Variants in MTG1 observed in about 807,000 individuals in gnomAD.
MTG1 encodes the protein mitochondrial ribosome-associated GTPase 1.
Under a neutral mutation model 39.5 loss-of-function variants are expected in MTG1, and 30 were observed. The observed-to-expected ratio is 0.76, with a 90% CI of 0.57 to 1.03. MTG1 has a LOEUF of 1.03. Among genes scored for constraint, MTG1 ranks in the 50% least tolerant of loss-of-function variants. The probability of loss-of-function intolerance (pLI) is 0.00; values close to 1 mark genes in which losing one functional copy is unlikely to be tolerated. For synonymous variants in MTG1, 217 were observed against 179.0 expected (o/e 1.21, Z -1.69); for missense variants, 513 against 447.4 (o/e 1.15, Z -1.32).
intron 6 of MTG1, 44 bp from the exon 7 acceptor site, chr10:133,401,485 G>C (rs1408515523): frequency 2.0e-6 from 3 of 1,496,636 alleles, no homozygotes; most frequent in Admixed American, 2.2e-5. Flanking sequence ...TGCAGCTTCT[G>C]TGTTTAGTAT....
At chr10:133,407,825 C>T (rs1849989872) in intron 9 of MTG1, among the ~76,000 whole-genome samples, 1 of 152,220 alleles carries the variant, frequency 6.6e-6, no homozygotes, top group Admixed American at 6.5e-5. Flanking sequence ...CTGCCTTGAC[C>T]TCCCAAAGTG....
At chr10:133,409,900 CT>C (rs202081065) in intron 9 of MTG1, among the ~76,000 whole-genome samples, 221 of 132,888 alleles carry the variant, frequency 1.7e-3, no homozygotes, top group East Asian at 3.3e-3. Flanking sequence ...TATTCCTGCT[CT>C]TTTTTTTTTT....
chr10:133,400,234 A>G (rs1849854932), intron 6 of MTG1, among the ~76,000 whole-genome samples: 1 of 152,124 alleles, frequency 6.6e-6, no homozygotes, highest in South Asian at 2.1e-4. Context: ...CCTTTGATCC[A>G]GAGAATACAA....
At chr10:133,415,990 C>T (rs998433127) in intron 9 of MTG1, among the ~76,000 whole-genome samples, 6 of 145,428 alleles carry the variant, frequency 4.1e-5, no homozygotes, top group African/African-American at 1.0e-4. Context: ...TGTCGGCACG[C>T]GGGTGTCGGG....
At position 133,402,431 on chromosome 10, in the gene MTG1, C is replaced by T; in HGVS notation, c.670+186C>T. On this transcript the variant is annotated intron_variant, in intron 8 of 10. Coordinates refer to ENST00000317502, the MANE Select transcript of MTG1 (RefSeq NM_138384.4). The surrounding 1 kb of genome is among the most constrained non-coding windows in gnomAD (Gnocchi z 4.7). ...GTGCACAGCTGACAGGCACTGGTCA[C>T]CATTCCACCCTGCCCCATGAGTGGC... is the stretch of plus-strand genomic sequence containing the variant. 1.4e-6 allele frequency: 1 copy of T among 726,618 alleles called. No individual in the cohort carries two copies. Among genetic ancestry groups the T allele is most frequent in the Non-Finnish European group, 2.3e-6 (1 of 434,636 alleles). 45.0% of individuals were successfully genotyped at this position (726,618 alleles called of 1,614,324 possible).
intron 9 of MTG1, among the ~76,000 whole-genome samples, chr10:133,410,021 G>GT (rs1850022566): frequency 6.6e-6 from 1 of 150,750 alleles, no homozygotes; most frequent in African/African-American, 2.4e-5. Context: ...GTTTGATCTT[G>GT]TTTTTTATCC....
chr10:133,415,586 G>A (rs1850112588), intron 9 of MTG1, among the ~76,000 whole-genome samples: 1 of 152,188 alleles, frequency 6.6e-6, no homozygotes. Context: ...CGTGGTGTCT[G>A]ATGAGCCGTC....
chr10:133,398,921 CTG>C (rs2133494273), intron 4 of MTG1, among the ~76,000 whole-genome samples: 1 of 152,300 alleles, frequency 6.6e-6, no homozygotes, highest in South Asian at 2.1e-4. Context: ...AGTCTGACAT[CTG>C]TGACCTGGAC....
chr10:133,401,959 C>T (rs1270252407), intron 7 of MTG1, 190 bp from the exon 8 acceptor site: 3 of 576,270 alleles, frequency 5.2e-6, no homozygotes, highest in South Asian at 3.9e-5. Context: ...TTTATTTATT[C>T]TCCAAATTAA....
chr10:133,400,170 C>T (rs923424705), intron 6 of MTG1, among the ~76,000 whole-genome samples: 3 of 150,774 alleles, frequency 2.0e-5, no homozygotes, highest in Non-Finnish European at 2.9e-5. Context: ...CCAGCCTGGG[C>T]GACAGAGCGA....
rs139490367 is a variant in MTG1, at chr10:133,408,330, T to C, written c.752+5557T>C. 1.6e-3 allele frequency among the ~76,000 whole-genome samples: 250 copies of C among 152,372 alleles called. 1 individual carries two copies. Among genetic ancestry groups the C allele is most frequent in the African/African-American group, 5.6e-3 (234 of 41,574 alleles). ...CATTTGTTGAAATGATTGTTTTTTT[T>C]CCTTGGTTCTGTTTAATGTTATATG... On this transcript the variant is annotated intron_variant, in intron 9 of 10. Transcript: ENST00000317502.
At chr10:133,417,844 A>G (rs1331992273) in intron 9 of MTG1, among the ~76,000 whole-genome samples, 1 of 152,232 alleles carries the variant, frequency 6.6e-6, no homozygotes, top group East Asian at 1.9e-4. Context: ...TTCAAGGAGA[A>G]CTACAAACCA....
chr10:133,419,940 T>C, intron 10 of MTG1, 86 bp from the exon 11 acceptor site: 1 of 1,465,692 alleles, frequency 6.8e-7, no homozygotes. Context: ...TCATGGAGCC[T>C]CTTAGGGCTG....
rs1176422510 is a variant in MTG1 at position 133,419,588 on chromosome 10, C to T, written c.861C>T (p.Gly287=). 6 of 1,600,348 alleles carry T rather than the reference C, an allele frequency of 3.7e-6. No individual in the cohort carries two copies. The highest frequency in any genetic ancestry group is 5.1e-6 in the Non-Finnish European group (6 of 1,173,886). The change falls in exon 10 of 11, where the codon GGC becomes GGT. Residue 287 remains glycine, a synonymous_variant. Coordinates refer to ENST00000317502, the MANE Select transcript of MTG1 (RefSeq NM_138384.4). ...GKTQKVKVLT[G]TGNVNIIQPN... is the part of the protein sequence containing the mutation. Reference sequence around the variant, plus strand: ...CGCAGAAGGTGAAGGTGCTCACGGGCACGGGTGAGTGAGGTCGCTGATGCG... The same window carrying T: ...CGCAGAAGGTGAAGGTGCTCACGGGTACGGGTGAGTGAGGTCGCTGATGCG...
Position 133,394,343 on chromosome 10 carries a change from G to A in MTG1, c.112+11G>A. 1 of 1,488,904 alleles carries A rather than the reference G, an allele frequency of 6.7e-7. No individual in the cohort carries two copies. The allele number at this position is 1,488,904 out of a possible 1,614,324, so 92.2% of individuals were successfully genotyped here. ...GCCACATGGCCAAGGGTGAGGCACGGCGGGGAGGGGCAAGGTCATGCCTAC... is the reference window on the plus strand; with the variant it reads ...GCCACATGGCCAAGGGTGAGGCACGACGGGGAGGGGCAAGGTCATGCCTAC... On this transcript the variant is annotated intron_variant, in intron 1 of 10. Transcript: ENST00000317502.
intron 9 of MTG1, among the ~76,000 whole-genome samples, chr10:133,405,963 C>T (rs1849964558): frequency 6.6e-6 from 1 of 152,228 alleles, no homozygotes; most frequent in South Asian, 2.1e-4. Context: ...CAGTGTACGA[C>T]AGCTCCCCTT....
Position 133,394,776 on chromosome 10 carries a change from C to T in MTG1, c.112+444C>T, listed in dbSNP as rs1194597021. Reference sequence around the variant, plus strand: ...TTTAACTGGTATCTTGAGTCGTTCTCCTGCTTAACGTCTTTGGTAATTCTT... The same window carrying T: ...TTTAACTGGTATCTTGAGTCGTTCTTCTGCTTAACGTCTTTGGTAATTCTT... On this transcript the variant is annotated intron_variant, in intron 1 of 10. Coordinates refer to ENST00000317502, the MANE Select transcript of MTG1 (RefSeq NM_138384.4). 4 of 974,636 alleles carry T rather than the reference C, an allele frequency of 4.1e-6. No individual in the cohort carries two copies. In the African/African-American group the frequency reaches 7.0e-5, roughly 17 times the overall value. 60.4% of individuals were successfully genotyped at this position (974,636 alleles called of 1,614,324 possible). A position where few individuals can be genotyped will look rare whatever the true frequency, so the allele number is the denominator to read the frequency against.
In MTG1 at chr10:133,401,590, G is replaced by A. The variant is rs762524427; in HGVS notation, c.573G>A (p.Gln191=). 5.6e-6 allele frequency: 9 copies of A among 1,612,906 alleles called. No individual in the cohort carries two copies. The highest frequency in any genetic ancestry group is 5.9e-6 in the Non-Finnish European group (7 of 1,179,206). Residue 191 remains glutamine (Q), a splice_region_variant and synonymous_variant, in exon 7 of 11, where the codon CAG becomes CAA. Transcript: ENST00000317502. ...GITRAVMSKI[Q]VSERPLMFLL... ...CCAGAGCTGTGATGTCCAAAATTCA[G>A]GTGGAGTCCTCAGGGGCCAGGCCCA...
chr10:133,401,479 G>C, intron 6 of MTG1, 50 bp from the exon 7 acceptor site: 3 of 1,477,264 alleles, frequency 2.0e-6, no homozygotes, highest in Non-Finnish European at 2.7e-6. Context: ...TTGTTCTGCA[G>C]CTTCTGTGTT....
Sources: gnomAD v4.1 joint callset for allele counts (sites outside exome capture counted in the v4.1 genomes callset) on GRCh38, gnomAD v4.1.1 for gene constraint, Gnocchi (gnomAD v3.1) non-coding constraint, MANE v1.5 for transcripts, NCBI Gene and HGNC (gene_info 2026-07-23, HGNC 2026-07-21) for gene names.